Variants in PER2 observed in about 807,000 individuals in gnomAD.
PER2 encodes period circadian protein homolog 2.
In PER2, 66 loss-of-function variants were observed where a neutral mutation model predicts 121.0. The observed-to-expected ratio is 0.55, with a 90% CI of 0.45 to 0.67. The LOEUF is 0.67. Among genes scored for constraint, PER2 ranks in the 30% least tolerant of loss-of-function variants. The probability of loss-of-function intolerance (pLI) is 0.00; values close to 1 mark genes in which losing one functional copy is unlikely to be tolerated. For synonymous variants in PER2, 684 were observed against 659.9 expected (o/e 1.04, Z -0.56); for missense variants, 1,521 against 1,635.0 (o/e 0.93, Z 1.20).
intron 6 of PER2, 140 bp from the exon 7 acceptor site, chr2:238,269,114 A>T: frequency 1.4e-6 from 1 of 704,926 alleles, no homozygotes; most frequent in Non-Finnish European, 2.6e-6. Context: ...CACAAAGTAA[A>T]TCCTTTATGT....
intron 3 of PER2, among the ~76,000 whole-genome samples, chr2:238,276,858 A>G (rs1170199178): frequency 6.6e-6 from 1 of 152,178 alleles, no homozygotes; most frequent in East Asian, 1.9e-4. Context: ...AATGTTCCAG[A>G]TGAAAATGCC....
chr2:238,257,099 A>T lies in PER2; in HGVS notation c.1901-13T>A. 1.9e-6 allele frequency: 3 copies of T among 1,608,784 alleles called. No homozygotes were observed. The highest frequency in any genetic ancestry group is 2.5e-6 in the Non-Finnish European group (3 of 1,179,418). On this transcript the variant is annotated splice_polypyrimidine_tract_variant and intron_variant, in intron 16 of 22. Transcript: ENST00000254657. ...GGCGGCTCTGCCTCTTCATGAGAGG[A>T]AGGGGGAACAAACATTAGTGTGTCA...
At chr2:238,293,210 A>C (rs1034723370), upstream of PER2, among the ~76,000 whole-genome samples, 2 of 152,192 alleles carry the variant, frequency 1.3e-5, no homozygotes, top group African/African-American at 4.8e-5. Flanking sequence ...CTCTGTATAG[A>C]CTTGTTTACT....
At chr2:238,285,365 C>A (rs879832822) in intron 1 of PER2, among the ~76,000 whole-genome samples, 23 of 152,204 alleles carry the variant, frequency 1.5e-4, no homozygotes, top group Admixed American at 1.0e-3. Flanking sequence ...AGGAGTGGGG[C>A]CAGGAGCAGA....
chr2:238,297,359 C>T, the PER2 span, among the ~76,000 whole-genome samples: 1 of 152,182 alleles, frequency 6.6e-6, no homozygotes, highest in Non-Finnish European at 1.5e-5. Context: ...AGGAGTCCCC[C>T]AGGCAGGGAG....
intron 20 of PER2, among the ~76,000 whole-genome samples, chr2:238,251,193 A>T (rs556794764): frequency 2.0e-5 from 3 of 152,312 alleles, no homozygotes; most frequent in South Asian, 2.1e-4. Flanking sequence ...TTTTGTGGAG[A>T]GTGTGTACAT....
chr2:238,262,875 T>G, intron 10 of PER2, 77 bp downstream of exon 10: 1 of 964,958 alleles, frequency 1.0e-6, no homozygotes, highest in Non-Finnish European at 1.7e-6. Flanking sequence ...AGAGCTAGAC[T>G]GGTCCCAAGA....
intron 22 of PER2, among the ~76,000 whole-genome samples, chr2:238,247,974 G>A (rs1203806456): frequency 3.9e-5 from 6 of 152,212 alleles, no homozygotes; most frequent in Admixed American, 2.0e-4. Flanking sequence ...CCTGTGTGGT[G>A]ATGGGCTTCA....
intron 1 of PER2, among the ~76,000 whole-genome samples, chr2:238,278,341 G>A (rs1696522012): frequency 1.3e-5 from 2 of 152,202 alleles, no homozygotes; most frequent in South Asian, 4.1e-4. Context: ...AAAATGTTGA[G>A]ATTACAGGCC....
rs544396818 is a variant in PER2, at chr2:238,246,292, G to A, written c.*83C>T. 5.7e-6 allele frequency: 6 copies of A among 1,050,132 alleles called. No homozygotes were observed. The East Asian group carries it at 1.6e-4, about 27-fold the overall frequency. 65.1% of individuals were successfully genotyped at this position (1,050,132 alleles called of 1,614,324 possible). A position where few individuals can be genotyped will look rare whatever the true frequency, so the allele number is the denominator to read the frequency against. ...CATGAGCATATGTGTCCATTTCAGT[G>A]GAAACAGCCATGAAGATCTTTCATC... On this transcript the variant is annotated 3_prime_UTR_variant, in exon 23 of 23. Coordinates refer to ENST00000254657, the MANE Select transcript of PER2 (RefSeq NM_022817.3).
At position 238,260,044 on chromosome 2, in the gene PER2, T is replaced by C. The variant is rs140217693; in HGVS notation, c.1552A>G (p.Lys518Glu). The C allele has an allele frequency of 2.9e-5, 42 of 1,457,490 alleles. No homozygotes were observed. In the African/African-American group the frequency reaches 5.1e-4, roughly 18 times the overall value. 90.3% of individuals were successfully genotyped at this position (1,457,490 alleles called of 1,614,324 possible). ...DSRRRRAEIC[K>E]NGNKTKNRSH... ...CTATTTTTGGTCTTGTTACCATTTT[T>C]ACAAATTTCCTTGAAGAAAAACAAA... The change falls in exon 14 of 23, where the codon AAA becomes GAA. Residue 518 changes from lysine (K) to glutamate (E), a missense_variant. Physicochemically the swap from Lys to Glu is moderately conservative, Grantham distance 56 (BLOSUM62 1). Transcript: ENST00000254657.
intron 18 of PER2, chr2:238,254,450 T>A (rs1001699530): frequency 2.0e-5 from 3 of 152,690 alleles, no homozygotes; most frequent in Non-Finnish European, 4.4e-5. Context: ...GGCAGTCCCA[T>A]GCCTTTGGGA....
chr2:238,255,554 C>T, intron 18 of PER2, 103 bp downstream of exon 18: 1 of 1,190,204 alleles, frequency 8.4e-7, no homozygotes, highest in South Asian at 1.2e-5. Flanking sequence ...TATGTTAATG[C>T]TTCTGAAACT....
Position 238,262,344 on chromosome 2 carries a change from A to C in PER2, c.1154T>G (p.Ile385Ser). 1 of 1,614,038 alleles carries C rather than the reference A, an allele frequency of 6.2e-7. No individual in the cohort carries two copies. Among genetic ancestry groups the C allele is most frequent in the Non-Finnish European group, 8.5e-7 (1 of 1,179,936 alleles). The change falls in exon 11 of 23, where the codon ATC becomes AGC. Residue 385 changes from isoleucine (I) to serine (S), a missense_variant and splice_region_variant. Transcript: ENST00000254657. ...GAAAGGCTGCCCGCCTGACTGCAGG[A>C]CTAGGAGAGCAAAAGCCAGCATTCA... The part of the protein sequence containing the change: ...RPLMLAIHKK[I>S]LQSGGQPFDY...
At chr2:238,284,250 CAG>C (rs1482003958) in intron 1 of PER2, among the ~76,000 whole-genome samples, 1 of 152,018 alleles carries the variant, frequency 6.6e-6, no homozygotes, top group Non-Finnish European at 1.5e-5. Context: ...CGCAACCAGC[CAG>C]ACCAATATGG....
At chr2:238,293,042 T>G (rs1040388420), upstream of PER2, among the ~76,000 whole-genome samples, 1 of 119,014 alleles carries the variant, frequency 8.4e-6, no homozygotes, top group Non-Finnish European at 1.6e-5. Flanking sequence ...AGCCTTGTTT[T>G]GCTTTTTTTT....
chr2:238,273,354 C>A (rs1696352877), intron 4 of PER2, among the ~76,000 whole-genome samples, 163 bp from the exon 5 acceptor site: 1 of 152,212 alleles, frequency 6.6e-6, no homozygotes, highest in African/African-American at 2.4e-5. Context: ...GAAGGCAAAA[C>A]AAACTCACAG....
chr2:238,258,211 G>A (rs912776872), intron 16 of PER2, 65 bp downstream of exon 16: 15 of 1,566,554 alleles, frequency 9.6e-6, no homozygotes, highest in Admixed American at 6.7e-5. Flanking sequence ...CCATGGGGAC[G>A]TCTGACTCTA....
upstream of PER2, among the ~76,000 whole-genome samples, chr2:238,288,859 CT>C (rs1162782151): frequency 1.3e-5 from 2 of 152,152 alleles, no homozygotes; most frequent in African/African-American, 2.4e-5. Flanking sequence ...GCGACTCCGT[CT>C]CATCTGCATA....
Sources: gnomAD v4.1 joint callset for allele counts (sites outside exome capture counted in the v4.1 genomes callset) on GRCh38, gnomAD v4.1.1 for gene constraint, MANE v1.5 for transcripts, NCBI Gene and HGNC (gene_info 2026-07-23, HGNC 2026-07-21) for gene names.